The following GRIA3 variants were observed in gnomAD, a reference collection of about 807,000 sequenced individuals.
The protein encoded by GRIA3 is glutamate receptor 3.
A neutral mutation model predicts 63.0 loss-of-function variants in GRIA3; 3 were observed. That is an observed-to-expected ratio of 0.05 (90% CI 0.02 to 0.12). GRIA3 has a LOEUF of 0.12. Ranked by LOEUF, GRIA3 falls within the 10% of genes least tolerant of loss-of-function variation. The pLI, the probability that GRIA3 is intolerant of heterozygous loss-of-function variation, is 1.00. For missense variants in GRIA3, 347 were observed against 700.9 expected, an observed-to-expected ratio of 0.50 and a Z score of 5.70; for synonymous variants, 274 against 257.9, an observed-to-expected ratio of 1.06 and a Z score of -0.60.
At chrX:123,483,453 T>C (rs1332176908) in intron 15 of GRIA3, among the ~76,000 whole-genome samples, 13 of 112,149 alleles carry the variant, frequency 1.2e-4, no homozygotes, top group Admixed American at 1.0e-3. Context: ...ATGTTATCAA[T>C]ACAAAAAAAA....
chrX:123,230,673 A>G (rs2044271463), intron 2 of GRIA3, among the ~76,000 whole-genome samples: 1 of 111,775 alleles, frequency 8.9e-6, no homozygotes, highest in Non-Finnish European at 1.9e-5. Context: ...AGGGCTTCCC[A>G]GCTGTCACTT....
intron 2 of GRIA3, among the ~76,000 whole-genome samples, chrX:123,230,773 TG>T (rs2044271948): frequency 8.9e-6 from 1 of 111,979 alleles, no homozygotes; most frequent in Admixed American, 9.5e-5. Flanking sequence ...GACACATCAT[TG>T]GAACTCCTAG....
At chrX:123,391,589 C>T (rs746673880) in intron 5 of GRIA3, among the ~76,000 whole-genome samples, 53 of 111,558 alleles carry the variant, frequency 4.8e-4, no homozygotes, top group Non-Finnish European at 8.7e-4. Context: ...TGTACATGGG[C>T]ACCAGTGTTA....
intron 2 of GRIA3, among the ~76,000 whole-genome samples, chrX:123,251,879 A>C (rs951393453): frequency 1.8e-5 from 2 of 112,219 alleles, no homozygotes; most frequent in African/African-American, 6.5e-5. Flanking sequence ...GCCAATGGCT[A>C]ATGACTTTGG....
At chrX:123,199,066 CT>C (rs1453071412) in intron 2 of GRIA3, among the ~76,000 whole-genome samples, 1 of 110,831 alleles carries the variant, frequency 9.0e-6, no homozygotes, top group Non-Finnish European at 1.9e-5. Flanking sequence ...GGATTTTTTT[CT>C]TTTGATGTTG....
chrX:123,290,525 C>T (rs1199098330), intron 3 of GRIA3, among the ~76,000 whole-genome samples: 4 of 109,532 alleles, frequency 3.7e-5, no homozygotes, highest in Non-Finnish European at 1.9e-5. Flanking sequence ...GTGCAATTCA[C>T]TAATGCTCAG....
chrX:123,324,592 T>C (rs1569420094), intron 3 of GRIA3, among the ~76,000 whole-genome samples: 2 of 111,979 alleles, frequency 1.8e-5, no homozygotes, highest in East Asian at 5.6e-4. Flanking sequence ...GAGAAATAAA[T>C]ATGCGTGGTT....
At chrX:123,349,049 T>G (rs1010262182) in intron 4 of GRIA3, among the ~76,000 whole-genome samples, 5 of 112,119 alleles carry the variant, frequency 4.5e-5, no homozygotes, top group Non-Finnish European at 9.4e-5. Flanking sequence ...GTATTTATTT[T>G]CTTGTATTAG....
intron 2 of GRIA3, among the ~76,000 whole-genome samples, chrX:123,188,573 C>T (rs1927340574): frequency 1.8e-5 from 2 of 111,251 alleles, no homozygotes; most frequent in Non-Finnish European, 3.8e-5. Context: ...ATCCTCCGGC[C>T]TGTCCTTCTC....
intron 2 of GRIA3, among the ~76,000 whole-genome samples, chrX:123,243,499 T>C (rs190100451): frequency 3.7e-4 from 41 of 111,703 alleles, no homozygotes; most frequent in African/African-American, 1.3e-3. Flanking sequence ...CACATGCTAG[T>C]CTCTTTGCAT....
intron 3 of GRIA3, among the ~76,000 whole-genome samples, chrX:123,268,304 G>A (rs2044499845): frequency 9.1e-6 from 1 of 110,441 alleles, no homozygotes; most frequent in South Asian, 3.9e-4. Context: ...GATTGGTCCA[G>A]TCTCTTTTTC....
At position 123,384,612 on chromosome X, in the gene GRIA3, G is replaced by A. The variant is rs143813348; in HGVS notation, c.751-10356G>A. Among the ~76,000 whole-genome samples, 670 of 111,453 alleles carry A rather than the reference G, an allele frequency of 6.0e-3. 2 individuals are homozygous for A. Among genetic ancestry groups the A allele is most frequent in the African/African-American group, 0.018 (563 of 30,673 alleles). ...TGCACTCCAGCCTGGGCAACAGAGT[G>A]AGACTCTGAAAAAAAAAAGTGTTCT... On this transcript the variant is annotated intron_variant, in intron 5 of 15. Coordinates refer to ENST00000620443, the MANE Select transcript of GRIA3 (RefSeq NM_007325.5).
At chrX:123,336,977 A>G (rs998650768) in intron 4 of GRIA3, among the ~76,000 whole-genome samples, 13 of 112,197 alleles carry the variant, frequency 1.2e-4, no homozygotes, top group African/African-American at 3.9e-4. Context: ...AAGGGGGAGA[A>G]AATGAATAAG....
chrX:123,444,552 C>A (rs1270971320), intron 12 of GRIA3, among the ~76,000 whole-genome samples: 2 of 111,194 alleles, frequency 1.8e-5, no homozygotes, highest in Non-Finnish European at 3.8e-5. Flanking sequence ...CCAACCTTCC[C>A]CACACAGAAG....
chrX:123,468,077 C>G (rs2045843735), intron 13 of GRIA3, among the ~76,000 whole-genome samples: 1 of 112,145 alleles, frequency 8.9e-6, no homozygotes, highest in Admixed American at 9.5e-5. Context: ...TACAGCCAGT[C>G]TTTTGAAATA....
chrX:123,213,113 G>T (rs994338596), intron 2 of GRIA3, among the ~76,000 whole-genome samples: 2 of 111,833 alleles, frequency 1.8e-5, no homozygotes, highest in Non-Finnish European at 3.8e-5. Context: ...TCTAACTAAT[G>T]CCTGATGATC....
chrX:123,241,829 T>A (rs143635815), intron 2 of GRIA3, among the ~76,000 whole-genome samples: 1 of 111,100 alleles, frequency 9.0e-6, no homozygotes, highest in Admixed American at 9.6e-5. Context: ...TGTTTCTGCA[T>A]ACTTCAGACA....
At chrX:123,349,989 G>T (rs1222800065) in intron 4 of GRIA3, among the ~76,000 whole-genome samples, 1 of 111,148 alleles carries the variant, frequency 9.0e-6, no homozygotes, top group Admixed American at 9.6e-5. Context: ...TAAATAGGAT[G>T]CCATAGGACA....
At chrX:123,422,075 C>T (rs1341635799) in intron 11 of GRIA3, among the ~76,000 whole-genome samples, 1 of 112,225 alleles carries the variant, frequency 8.9e-6, no homozygotes, top group Non-Finnish European at 1.9e-5. Flanking sequence ...ACTGTTTGTT[C>T]CATTCCTCTC....
Sources: allele counts gnomAD v4.1 joint callset (sites outside exome capture counted in the v4.1 genomes callset), GRCh38; gene constraint gnomAD v4.1.1; transcripts MANE v1.5; gene names NCBI Gene and HGNC (gene_info 2026-07-23, HGNC 2026-07-21).